The following MKI67 variants were observed in gnomAD, a reference collection of about 807,000 sequenced individuals.
MKI67 encodes the protein proliferation marker protein Ki-67.
In MKI67, 152 loss-of-function variants were observed where a neutral mutation model predicts 233.5. That is an observed-to-expected ratio of 0.65 (90% CI 0.57 to 0.74). The LOEUF (loss-of-function observed/expected upper bound fraction) is 0.74. MKI67 is among the 30% of genes least tolerant of loss of function. The pLI is 0.00. For synonymous variants in MKI67, 1,465 were observed against 1,418.5 expected, an observed-to-expected ratio of 1.03 and a Z score of -0.74; for missense variants, 3,940 against 3,885.2, an observed-to-expected ratio of 1.01 and a Z score of -0.37.
rs1852276213 is a variant in MKI67 at position 128,099,089 on chromosome 10, C to T, written c.*101G>A. ...AGTTTTCTTCCCTTAAGCAGACTGA[C>T]AGCCTTACTTACAGAATTCACTTGT... On this transcript the variant is annotated 3_prime_UTR_variant, in exon 15 of 15. Transcript: ENST00000368654. 1 of 887,776 alleles carries T rather than the reference C, an allele frequency of 1.1e-6. No homozygotes were observed. The highest frequency in any genetic ancestry group is 2.6e-5 in the Admixed American group (1 of 38,986). The allele number at this position is 887,776 out of a possible 1,614,324, so 55.0% of individuals were successfully genotyped here.
rs1328170633 is a variant in MKI67 at position 128,107,438 on chromosome 10, C to T, written c.4402G>A (p.Ala1468Thr). ...KEKAQPLEDL[A>T]GLKELFQTPV... ...GTCTGGAAGAGCTCTTTCAAGCCAG[C>T]CAGGTCTTCTAGGGGTTGGGCCTTT... The change falls in exon 13 of 15, where the codon GCT (alanine) becomes ACT (threonine). Residue 1468 changes from alanine to threonine, a missense_variant. Ala to Thr is a moderately conservative substitution (Grantham distance 58). Transcript: ENST00000368654. The T allele has an allele frequency of 6.2e-7, 1 of 1,613,944 alleles. No individual in the cohort carries two copies. Among genetic ancestry groups the T allele is most frequent in the South Asian group, 1.1e-5 (1 of 91,074 alleles).
chr10:128,124,328 T>C (rs1214777451), intron 2 of MKI67, among the ~76,000 whole-genome samples: 1 of 152,248 alleles, frequency 6.6e-6, no homozygotes, highest in Non-Finnish European at 1.5e-5. Flanking sequence ...TGGGTGTTTC[T>C]GAGCTTTGGC....
rs2136139118 is a variant in MKI67, at chr10:128,109,348, C to A, written c.2492G>T (p.Arg831Ile). 2 of 1,614,180 alleles carry A rather than the reference C, an allele frequency of 1.2e-6. No homozygotes were observed. Among genetic ancestry groups the A allele is most frequent in the Non-Finnish European group, 1.7e-6 (2 of 1,180,022 alleles). The change falls in exon 13 of 15, where the codon AGA (arginine) becomes ATA (isoleucine). Residue 831 changes from arginine (R) to isoleucine (I), a missense_variant. Coordinates refer to ENST00000368654, the MANE Select transcript of MKI67 (RefSeq NM_002417.5). ...SDKCSASPPL[R>I]RQCIRENGNV... ...TCCATTTTCTCTAATACACTGCCGT[C>A]TTAAGGGAGGGCTTGCAGAGCATTT...
intron 11 of MKI67, among the ~76,000 whole-genome samples, chr10:128,110,917 G>A (rs957325654): frequency 5.9e-5 from 9 of 152,104 alleles, no homozygotes; most frequent in African/African-American, 1.7e-4. Flanking sequence ...TCAAAGTCTT[G>A]GGTGCTCAGT....
rs1565000358 is a variant in MKI67, at chr10:128,104,276, T to A, written c.7564A>T (p.Ile2522Phe). ...HTEPTGDSKS[I>F]KAFKESPKQI... is the part of the protein sequence containing the mutation. ...TTTGGAGACTCCTTAAACGCTTTGA[T>A]GCTCTTACTATCTCCTGTTGGCTCT... Residue 2522 changes from isoleucine (I) to phenylalanine (F), a missense_variant, in exon 13 of 15, where the codon ATC becomes TTC. Coordinates refer to ENST00000368654, the MANE Select transcript of MKI67 (RefSeq NM_002417.5). 2 of 1,614,194 alleles carry A rather than the reference T, an allele frequency of 1.2e-6. No homozygotes were observed. Among genetic ancestry groups the A allele is most frequent in the African/African-American group, 1.3e-5 (1 of 75,046 alleles).
chr10:128,110,471 T>C lies in MKI67; in HGVS notation c.2323A>G (p.Ile775Val), dbSNP rs1390344831. The C allele has an allele frequency of 6.3e-7, 1 of 1,588,230 alleles. No individual in the cohort carries two copies. Among genetic ancestry groups the C allele is most frequent in the East Asian group, 2.3e-5 (1 of 44,244 alleles). The stretch of plus-strand genomic sequence containing the variant: ...AAATTCTCTGAATTTGAAATAGCGA[T>C]GTGACATGTGCTTGTCAACTGCGGT... ...EQPQLTSTCH[I>V]AISNSENLLG... Residue 775 changes from isoleucine (I) to valine (V), a missense_variant, in exon 12 of 15, where the codon ATC becomes GTC. Physicochemically the swap from Ile to Val is conservative, Grantham distance 29. Transcript: ENST00000368654.
chr10:128,102,533 A>C (rs373031050), intron 13 of MKI67, 46 bp downstream of exon 13: 15 of 1,583,106 alleles, frequency 9.5e-6, no homozygotes, highest in Non-Finnish European at 1.3e-5. Flanking sequence ...AGAAATTCAC[A>C]ACTATCCAAG....
chr10:128,108,488 A>G lies in MKI67; in HGVS notation c.3352T>C (p.Ser1118Pro). 8 of 1,613,456 alleles carry G rather than the reference A, an allele frequency of 5.0e-6. No homozygotes were observed. Among genetic ancestry groups the G allele is most frequent in the Non-Finnish European group, 6.8e-6 (8 of 1,179,920 alleles). The change falls in exon 13 of 15, where the codon TCA (serine) becomes CCA (proline). Residue 1118 changes from serine to proline, a missense_variant. Ser to Pro is a moderately conservative substitution (Grantham distance 74). Transcript: ENST00000368654. The stretch of plus-strand genomic sequence containing the variant: ...TTGGTAGTTTTCTCATCAGTCATTG[A>G]TTCCTCAGAGGGACCTGGTGTCTGG... ...LFQTPGPSEE[S>P]MTDEKTTKIA...
At chr10:128,113,784 G>A (rs577121759) in intron 7 of MKI67, among the ~76,000 whole-genome samples, 182 bp from the exon 8 acceptor site, 66 of 152,272 alleles carry the variant, frequency 4.3e-4, no homozygotes, top group Non-Finnish European at 6.0e-4. Flanking sequence ...AAAGGATTGC[G>A]GGAGTGGCCA....
chr10:128,099,736 T>C (rs2136122759), intron 14 of MKI67, among the ~76,000 whole-genome samples: 1 of 152,322 alleles, frequency 6.6e-6, no homozygotes, highest in Admixed American at 6.5e-5. Flanking sequence ...GGAACCATGG[T>C]GAAAAGCATG....
intron 14 of MKI67, among the ~76,000 whole-genome samples, chr10:128,100,600 A>G (rs1001642472): frequency 6.6e-6 from 1 of 152,220 alleles, no homozygotes; most frequent in Admixed American, 6.5e-5. Context: ...TATTTTAGCT[A>G]AACCAAGTAT....
chr10:128,107,434 C>A lies in MKI67; in HGVS notation c.4406G>T (p.Gly1469Val). ...EKAQPLEDLAGLKELFQTPVC... is the reference protein window; with the variant it reads ...EKAQPLEDLAVLKELFQTPVC... Reference sequence around the variant, plus strand: ...TGGTGTCTGGAAGAGCTCTTTCAAGCCAGCCAGGTCTTCTAGGGGTTGGGC... The same window carrying A: ...TGGTGTCTGGAAGAGCTCTTTCAAGACAGCCAGGTCTTCTAGGGGTTGGGC... Residue 1469 changes from glycine (G) to valine (V), a missense_variant, in exon 13 of 15, where the codon GGC becomes GTC. Transcript: ENST00000368654. 6.2e-7 allele frequency: 1 copy of A among 1,614,068 alleles called. No homozygotes were observed. Among genetic ancestry groups the A allele is most frequent in the Non-Finnish European group, 8.5e-7 (1 of 1,180,012 alleles).
At chr10:128,102,456 G>A in intron 13 of MKI67, 123 bp downstream of exon 13, 1 of 1,232,832 alleles carries the variant, frequency 8.1e-7, no homozygotes, top group African/African-American at 1.5e-5. Flanking sequence ...GTTATTCAGT[G>A]TTAAAGGAAA....
Position 128,115,631 on chromosome 10 carries a change from CTG to C in MKI67, c.775_776del (p.Gln259ValfsTer3). 2.5e-6 allele frequency: 4 copies of C among 1,613,900 alleles called. No homozygotes were observed. Among genetic ancestry groups the C allele is most frequent in the Non-Finnish European group, 3.4e-6 (4 of 1,179,992 alleles). The stretch of plus-strand genomic sequence containing the variant: ...TTTGTAATCCAGATTTTCTACAATA[CTG>C]TAGGACATTTTCTTTTTGTGATTTT... The part of the protein sequence containing the change: ...DVKSQKENVL[Q>X]YCRKSGLQTD... On this transcript the variant is annotated frameshift_variant, in exon 7 of 15. Coordinates refer to ENST00000368654, the MANE Select transcript of MKI67 (RefSeq NM_002417.5). LOFTEE classifies it high-confidence loss of function.
chr10:128,099,333 C>T, intron 14 of MKI67, 78 bp from the exon 15 acceptor site: 1 of 1,132,740 alleles, frequency 8.8e-7, no homozygotes, highest in Non-Finnish European at 1.3e-6. Context: ...CTGCAAAACC[C>T]CAAAGGCTTA....
Position 128,108,082 on chromosome 10 carries a change from G to A in MKI67, c.3758C>T (p.Ser1253Phe). ...AGKTTKIPCD[S>F]PQSDPVDTPT... The stretch of plus-strand genomic sequence containing the variant: ...GGTGTCCACTGGGTCTGACTGTGGA[G>A]AGTCGCAGGGTATTTTAGTGGTTTT... Residue 1253 changes from serine to phenylalanine, a missense_variant, in exon 13 of 15, where the codon TCT becomes TTT. Coordinates refer to ENST00000368654, the MANE Select transcript of MKI67 (RefSeq NM_002417.5). The A allele has an allele frequency of 6.2e-7, 1 of 1,613,432 alleles. No individual in the cohort carries two copies.
intron 5 of MKI67, among the ~76,000 whole-genome samples, chr10:128,118,615 G>C (rs180747960): frequency 8.5e-5 from 13 of 152,258 alleles, no homozygotes; most frequent in Admixed American, 8.5e-4. Context: ...CGACAACTGT[G>C]TTTTAATAAG....
chr10:128,117,308 C>G (rs957104023), intron 5 of MKI67, among the ~76,000 whole-genome samples: 2 of 152,240 alleles, frequency 1.3e-5, no homozygotes, highest in African/African-American at 4.8e-5. Flanking sequence ...CATGTGCGCC[C>G]TCTTGGCTGG....
At chr10:128,121,023 C>T (rs1033165831) in intron 4 of MKI67, among the ~76,000 whole-genome samples, 11 of 151,996 alleles carry the variant, frequency 7.2e-5, no homozygotes, top group Non-Finnish European at 1.6e-4. Flanking sequence ...AGTTATACTA[C>T]ACAAGCACTC....
Sources: gnomAD v4.1 joint callset for allele counts (sites outside exome capture counted in the v4.1 genomes callset) on GRCh38, gnomAD v4.1.1 for gene constraint, MANE v1.5 for transcripts, NCBI Gene and HGNC (gene_info 2026-07-23, HGNC 2026-07-21) for gene names.